PCDHA8: variants seen among roughly 807,000 people sequenced by gnomAD.
The protein encoded by PCDHA8 is protocadherin alpha 8.
A neutral mutation model predicts 61.8 loss-of-function variants in PCDHA8; 53 were observed. The observed-to-expected ratio is 0.86, with a 90% CI of 0.69 to 1.08. The LOEUF is 1.08. Among genes scored for constraint, PCDHA8 ranks in the 50% least tolerant of loss-of-function variants. The pLI is 0.00. For missense variants in PCDHA8, 1,293 were observed against 1,245.0 expected (o/e 1.04, Z -0.58); for synonymous variants, 618 against 556.6 (o/e 1.11, Z -1.55).
At chr5:140,862,667 AG>A in intron 1 of PCDHA8, 1 of 548,534 alleles carries the variant, frequency 1.8e-6, no homozygotes, top group Admixed American at 1.9e-5. Context: ...CGGGACGCGC[AG>A]GAGAACGTGC....
intron 3 of PCDHA8, among the ~76,000 whole-genome samples, chr5:141,008,045 CAG>C (rs1416741468): frequency 2.0e-5 from 3 of 151,924 alleles, no homozygotes; most frequent in South Asian, 2.1e-4. Context: ...CCTTTTGTAA[CAG>C]GGGTCCAGTC....
At chr5:140,943,600 A>G (rs996134923) in intron 1 of PCDHA8, among the ~76,000 whole-genome samples, 1 of 152,198 alleles carries the variant, frequency 6.6e-6, no homozygotes, top group African/African-American at 2.4e-5. Context: ...AATTCTAAAT[A>G]TAGACTTTGA....
chr5:140,924,752 G>A (rs970314481), intron 1 of PCDHA8, among the ~76,000 whole-genome samples: 5 of 151,648 alleles, frequency 3.3e-5, no homozygotes, highest in South Asian at 2.1e-4. Context: ...AAAATTAACC[G>A]AGCATGGTGG....
Position 140,842,122 on chromosome 5 carries a change from T to A in PCDHA8, c.801T>A (p.Ser267=), listed in dbSNP as rs2150329697. The change falls in exon 1 of 4, where the codon TCT becomes TCA. Residue 267 remains serine, a synonymous_variant. Transcript: ENST00000531613. Reference sequence around the variant, plus strand: ...CAACAGTTATCAAACTGAATGCTTCTGATCCGGATGAAGGAGCCAATGGGG... The same window carrying A: ...CAACAGTTATCAAACTGAATGCTTCAGATCCGGATGAAGGAGCCAATGGGG... ...NGTTVIKLNA[S]DPDEGANGAI... is the part of the protein sequence containing the mutation. 9 of 1,613,784 alleles carry A rather than the reference T, an allele frequency of 5.6e-6. No individual in the cohort carries two copies. In the South Asian group the frequency reaches 8.8e-5, roughly 16 times the overall value.
intron 2 of PCDHA8, 86 bp from the exon 3 acceptor site, chr5:140,982,389 T>C: frequency 1.3e-6 from 2 of 1,593,476 alleles, no homozygotes; most frequent in South Asian, 1.1e-5. Context: ...CCTGGCTTCA[T>C]AGTTGTAAGC....
chr5:140,843,306 C>A lies in PCDHA8; in HGVS notation c.1985C>A (p.Thr662Lys). 1 of 1,596,008 alleles carries A rather than the reference C, an allele frequency of 6.3e-7. No homozygotes were observed. Among genetic ancestry groups the A allele is most frequent in the Non-Finnish European group, 8.6e-7 (1 of 1,165,556 alleles). The change falls in exon 1 of 4, where the codon ACG (threonine) becomes AAG (lysine). Residue 662 changes from threonine (T) to lysine (K), a missense_variant. Thr to Lys is a moderately conservative substitution (Grantham distance 78). Coordinates refer to ENST00000531613, the MANE Select transcript of PCDHA8 (RefSeq NM_018911.3). Reference sequence around the variant, plus strand: ...CATGGTGAACCTGCGCTGACCGCCACGGCCACGGTTCTGGTGTCGCTGGTG... The same window carrying A: ...CATGGTGAACCTGCGCTGACCGCCAAGGCCACGGTTCTGGTGTCGCTGGTG... ...KDHGEPALTA[T>K]ATVLVSLVES...
At chr5:140,869,760 A>G in intron 1 of PCDHA8, 1 of 1,613,206 alleles carries the variant, frequency 6.2e-7, no homozygotes, top group Non-Finnish European at 8.5e-7. Flanking sequence ...ACGGGGGAAA[A>G]CCAGAGCTTA....
At chr5:140,865,279 T>C (rs2048807818) in intron 1 of PCDHA8, 1 of 152,232 alleles carries the variant, frequency 6.6e-6, no homozygotes, top group African/African-American at 2.4e-5. Flanking sequence ...TATGTAAAAT[T>C]ACTTTGCTCT....
intron 1 of PCDHA8, chr5:140,858,421 G>A (rs782781172): frequency 1.3e-6 from 2 of 1,557,082 alleles, no homozygotes; most frequent in Non-Finnish European, 1.7e-6. Flanking sequence ...CTATTGGAGG[G>A]GACCACTCTA....
chr5:140,841,378 G>A lies in PCDHA8; in HGVS notation c.57G>A (p.Leu19=). The change falls in exon 1 of 4, where the codon CTG becomes CTA. Residue 19 remains leucine (L), a synonymous_variant. Transcript: ENST00000531613. ...CCTGGCGACTACTACTCTTGCTTCT[G>A]CTCCTCGCAGCCTGGAAGGTGGGGA... ...LGSWRLLLLL[L]LLAAWKVGSG... is the part of the protein sequence containing the mutation. 1 of 1,613,450 alleles carries A rather than the reference G, an allele frequency of 6.2e-7. No homozygotes were observed. The highest frequency in any genetic ancestry group is 8.5e-7 in the Non-Finnish European group (1 of 1,179,814).
intron 1 of PCDHA8, among the ~76,000 whole-genome samples, chr5:140,933,667 C>A (rs2089323484): frequency 6.6e-6 from 1 of 151,936 alleles, no homozygotes. Flanking sequence ...CTCTCTCTGT[C>A]TCTCTCACAT....
Position 140,843,673 on chromosome 5 carries a change from T to C in PCDHA8, c.2352T>C (p.Asp784=), listed in dbSNP as rs1779033196. The C allele has an allele frequency of 6.3e-7, 1 of 1,592,546 alleles. No individual in the cohort carries two copies. Among genetic ancestry groups the C allele is most frequent in the South Asian group, 1.1e-5 (1 of 90,422 alleles). The change falls in exon 1 of 4, where the codon GAT becomes GAC. Residue 784 remains aspartate (D), a synonymous_variant. Coordinates refer to ENST00000531613, the MANE Select transcript of PCDHA8 (RefSeq NM_018911.3). ...TTCCTCCTGATCTGGGATCAGTTGA[T>C]GTAGGCGAAGAGCAAGATTTAAATG... ...PCLPPDLGSV[D]VGEEQDLNVD...
intron 1 of PCDHA8, chr5:140,870,983 C>T (rs1554164955): frequency 1.2e-6 from 2 of 1,613,520 alleles, no homozygotes; most frequent in East Asian, 2.2e-5. Context: ...GGGCTGTACA[C>T]GGGCGAGATA....
chr5:140,935,894 C>CTTT lies in PCDHA8; in HGVS notation c.2395-43041_2395-43039dup, dbSNP rs55841305. Among the ~76,000 whole-genome samples, 1,154 of 136,734 alleles carry CTTT rather than the reference C, an allele frequency of 8.4e-3. 14 individuals carry two copies. Among genetic ancestry groups the CTTT allele is most frequent in the East Asian group, 0.025 (118 of 4,726 alleles). 89.7% of individuals were successfully genotyped at this position (136,734 alleles called of 152,430 possible). On this transcript the variant is annotated intron_variant, in intron 1 of 3. Coordinates refer to ENST00000531613, the MANE Select transcript of PCDHA8 (RefSeq NM_018911.3). ...ATGAGCTCCAATTTATCAATATTAT[C>CTTT]TTTTTTTTTTTTTTTTGAGACAGAT...
intron 1 of PCDHA8, chr5:140,869,202 C>T (rs2050919461): frequency 3.1e-6 from 5 of 1,613,890 alleles, no homozygotes; most frequent in African/African-American, 2.7e-5. Flanking sequence ...AGCTCCACTA[C>T]TCCGTCTCGG....
intron 1 of PCDHA8, among the ~76,000 whole-genome samples, chr5:140,955,431 AG>A (rs1273972601): frequency 1.3e-5 from 2 of 152,194 alleles, no homozygotes; most frequent in East Asian, 3.9e-4. Flanking sequence ...AGTTCTCATT[AG>A]GTCTGATGGT....
intron 1 of PCDHA8, chr5:140,877,152 C>A (rs1662783035): frequency 6.2e-7 from 1 of 1,613,688 alleles, no homozygotes; most frequent in Non-Finnish European, 8.5e-7. Context: ...ACGAGAACGA[C>A]AACGCGCCGG....
intron 1 of PCDHA8, among the ~76,000 whole-genome samples, chr5:140,892,561 A>G (rs766284976): frequency 1.3e-5 from 2 of 152,156 alleles, no homozygotes; most frequent in Non-Finnish European, 2.9e-5. Context: ...GTCCTTGGAG[A>G]CTGTCAAAAG....
intron 1 of PCDHA8, chr5:140,851,357 G>A: frequency 2.1e-6 from 2 of 974,974 alleles, no homozygotes; most frequent in Non-Finnish European, 2.5e-6. Flanking sequence ...GATGGAGACT[G>A]TGAACATCTG....
Sources: allele counts gnomAD v4.1 joint callset (sites outside exome capture counted in the v4.1 genomes callset), GRCh38; gene constraint gnomAD v4.1.1; transcripts MANE v1.5; gene names NCBI Gene and HGNC (gene_info 2026-07-23, HGNC 2026-07-21).